Variants in CSMD1 observed in about 807,000 individuals in gnomAD.
The protein encoded by CSMD1 is CUB and sushi domain-containing protein 1.
In CSMD1, 213 loss-of-function variants were observed where a neutral mutation model predicts 417.5. That is an observed-to-expected ratio of 0.51 (90% CI 0.46 to 0.57). CSMD1 has a LOEUF of 0.57. CSMD1 is among the 20% of genes least tolerant of loss of function. The pLI is 0.00. For missense variants in CSMD1, 6,923 were observed against 4,529.7 expected (o/e 1.53, Z -15.17); for synonymous variants, 2,862 against 1,736.8 (o/e 1.65, Z -16.11).
chr8:4,684,088 T>G (rs1026775815), intron 1 of CSMD1, among the ~76,000 whole-genome samples: 1 of 152,204 alleles, frequency 6.6e-6, no homozygotes, highest in African/African-American at 2.4e-5. Context: ...ATCCAGGGAA[T>G]TTTGTACAAG....
chr8:4,196,165 C>T (rs960511805), intron 3 of CSMD1, among the ~76,000 whole-genome samples: 3 of 152,158 alleles, frequency 2.0e-5, no homozygotes, highest in East Asian at 3.9e-4. Flanking sequence ...GAGCCGAGAT[C>T]GCGCCACTGC....
chr8:3,154,091 C>T (rs997421862), intron 39 of CSMD1, among the ~76,000 whole-genome samples: 8 of 152,154 alleles, frequency 5.3e-5, no homozygotes, highest in East Asian at 1.9e-4. Context: ...CTCAGCCTCC[C>T]GAGTAGCTGG....
At chr8:3,117,752 C>A (rs1478637576) in intron 42 of CSMD1, among the ~76,000 whole-genome samples, 2 of 152,184 alleles carry the variant, frequency 1.3e-5, no homozygotes, top group Admixed American at 6.5e-5. Flanking sequence ...TCCTCTGTTG[C>A]ACCATCAAAC....
At chr8:3,706,036 G>A (rs17326663) in intron 7 of CSMD1, among the ~76,000 whole-genome samples, 58,111 of 152,104 alleles carry the variant, frequency 0.38, 11,417 homozygotes, top group East Asian at 0.55. Context: ...AGGAAACGGG[G>A]CTCATGGTGG....
At chr8:3,964,647 T>C (rs17068241) in intron 5 of CSMD1, among the ~76,000 whole-genome samples, 5,982 of 152,324 alleles carry the variant, frequency 0.039, 158 homozygotes, top group Middle Eastern at 0.078. Context: ...AAATTTGCTA[T>C]TCAAGTTGAG....
intron 5 of CSMD1, among the ~76,000 whole-genome samples, chr8:3,868,425 G>T (rs1805255787): frequency 6.6e-6 from 1 of 152,066 alleles, no homozygotes; most frequent in South Asian, 2.1e-4. Flanking sequence ...GGGCAGCTGG[G>T]GGGCAGCTGT....
At chr8:4,710,464 T>TTATATATATATATATATA (rs10660998) in intron 1 of CSMD1, among the ~76,000 whole-genome samples, 3 of 144,832 alleles carry the variant, frequency 2.1e-5, no homozygotes, top group African/African-American at 7.5e-5. Flanking sequence ...TAATGGAATA[T>TTATATATATATATATATA]TATATATATA....
chr8:3,742,116 A>G (rs948414455), intron 6 of CSMD1, among the ~76,000 whole-genome samples: 3 of 151,934 alleles, frequency 2.0e-5, no homozygotes, highest in Admixed American at 6.6e-5. Flanking sequence ...AATCCTGTCC[A>G]TCAGTCTATT....
chr8:4,977,891 C>G (rs1360677321), intron 1 of CSMD1, among the ~76,000 whole-genome samples: 2 of 152,228 alleles, frequency 1.3e-5, no homozygotes, highest in African/African-American at 2.4e-5. Flanking sequence ...ACTTAATCAA[C>G]TCATTCATTC....
At chr8:4,084,363 G>T (rs149717298) in intron 3 of CSMD1, among the ~76,000 whole-genome samples, 15 of 151,350 alleles carry the variant, frequency 9.9e-5, no homozygotes, top group African/African-American at 3.6e-4. Flanking sequence ...AACCATAAAT[G>T]CAATCTAGAA....
intron 1 of CSMD1, among the ~76,000 whole-genome samples, chr8:4,669,836 T>C (rs973217673): frequency 7.9e-5 from 12 of 152,204 alleles, no homozygotes; most frequent in Admixed American, 7.9e-4. Flanking sequence ...CCAAGAAGAA[T>C]GGTTTCTTAG....
intron 49 of CSMD1, among the ~76,000 whole-genome samples, chr8:3,063,227 A>T (rs1206436049): frequency 6.6e-6 from 1 of 152,210 alleles, no homozygotes; most frequent in East Asian, 1.9e-4. Context: ...TACTCTGGTA[A>T]ACTAGTCAAG....
intron 5 of CSMD1, among the ~76,000 whole-genome samples, chr8:3,886,454 G>C (rs561142415): frequency 3.3e-5 from 5 of 152,320 alleles, no homozygotes; most frequent in Non-Finnish European, 7.3e-5. Flanking sequence ...TACAAGGCCA[G>C]ATAATAAATA....
intron 3 of CSMD1, among the ~76,000 whole-genome samples, chr8:4,396,394 G>GA (rs1435860448): frequency 6.6e-6 from 1 of 152,110 alleles, no homozygotes; most frequent in African/African-American, 2.4e-5. Flanking sequence ...TTGAGCCTGG[G>GA]AGGCAGAGGT....
chr8:4,078,787 G>A (rs2552141), intron 3 of CSMD1, among the ~76,000 whole-genome samples: 78,888 of 148,286 alleles, frequency 0.53, 22,464 homozygotes, highest in South Asian at 0.67. Context: ...TGTAATCCTA[G>A]CACTTTGGGA....
At chr8:4,300,084 G>T (rs1293573911) in intron 3 of CSMD1, among the ~76,000 whole-genome samples, 3 of 152,176 alleles carry the variant, frequency 2.0e-5, no homozygotes, top group African/African-American at 7.2e-5. Context: ...CTGGATTTAG[G>T]ATTTGATTTG....
At chr8:3,663,320 G>C (rs945177982) in intron 7 of CSMD1, among the ~76,000 whole-genome samples, 2 of 152,120 alleles carry the variant, frequency 1.3e-5, no homozygotes, top group Admixed American at 1.3e-4. Context: ...ATTTTTCAGA[G>C]GTAGGCATGG....
At chr8:3,851,535 A>G (rs1803904527) in intron 5 of CSMD1, among the ~76,000 whole-genome samples, 1 of 152,192 alleles carries the variant, frequency 6.6e-6, no homozygotes. Flanking sequence ...TGGTCCCTGA[A>G]AGGTGAGCCT....
intron 10 of CSMD1, among the ~76,000 whole-genome samples, chr8:3,518,048 T>A (rs10095269): frequency 0.017 from 2,652 of 152,242 alleles, 77 homozygotes; most frequent in African/African-American, 0.06. Context: ...AGAAGATTTA[T>A]CATCAGATTC....
Sources: gnomAD v4.1 joint callset for allele counts (sites outside exome capture counted in the v4.1 genomes callset) on GRCh38, gnomAD v4.1.1 for gene constraint, MANE v1.5 for transcripts, NCBI Gene and HGNC (gene_info 2026-07-23, HGNC 2026-07-21) for gene names.